Variants in CTNNA2 observed in about 807,000 individuals in gnomAD.
The protein encoded by CTNNA2 is catenin alpha-2.
CTNNA2 carries 42 observed loss-of-function variants against 101.0 expected under a neutral mutation model. The ratio of observed to expected loss-of-function variants is 0.42; its 90% CI spans 0.32 to 0.54. CTNNA2 has a LOEUF of 0.54. CTNNA2 is among the 20% of genes least tolerant of loss of function. The probability of loss-of-function intolerance (pLI) is 0.14; values close to 1 mark genes in which losing one functional copy is unlikely to be tolerated. For synonymous variants in CTNNA2, 450 were observed against 456.4 expected, an observed-to-expected ratio of 0.99 and a Z score of 0.18; for missense variants, 871 against 1,223.1, an observed-to-expected ratio of 0.71 and a Z score of 4.29.
Position 79,584,680 on chromosome 2 carries a change from C to T in CTNNA2, c.-5-66872C>T, listed in dbSNP as rs149080089. On this transcript the variant is annotated intron_variant, in intron 1 of 18. Coordinates refer to ENST00000402739, the MANE Select transcript of CTNNA2 (RefSeq NM_001282597.3). ...GAGTACAGGCACACACCACCACGTC[C>T]GGCTAATTTTTATATTTTTAGTAGA... 6.3e-3 allele frequency among the ~76,000 whole-genome samples: 958 copies of T among 152,018 alleles called. 47 individuals are homozygous for T. In the East Asian group the frequency reaches 0.1, roughly 16 times the overall value.
intron 4 of CTNNA2, among the ~76,000 whole-genome samples, chr2:79,387,823 A>G (rs1484456700): frequency 6.6e-6 from 1 of 152,222 alleles, no homozygotes; most frequent in African/African-American, 2.4e-5. Flanking sequence ...AAAGAGCTGG[A>G]CTGGTAAAAT....
At chr2:80,525,640 C>T (rs1011320811) in intron 9 of CTNNA2, among the ~76,000 whole-genome samples, 8 of 152,154 alleles carry the variant, frequency 5.3e-5, no homozygotes, top group African/African-American at 1.7e-4. Flanking sequence ...TCTCTCCTAT[C>T]GTAGCCTGTC....
intron 9 of CTNNA2, among the ~76,000 whole-genome samples, chr2:80,473,047 A>G (rs1300353042): frequency 2.0e-5 from 3 of 152,230 alleles, no homozygotes. Flanking sequence ...ACTTTTGCTT[A>G]CAGTTTAAGA....
chr2:80,028,138 G>T (rs917496937), intron 7 of CTNNA2: 3 of 152,184 alleles, frequency 2.0e-5, no homozygotes, highest in Non-Finnish European at 4.4e-5. Context: ...CAAATTGGTT[G>T]CTGAAAGGAT....
intron 1 of CTNNA2, among the ~76,000 whole-genome samples, chr2:79,590,329 T>C (rs1676763628): frequency 1.3e-5 from 2 of 152,236 alleles, no homozygotes; most frequent in Admixed American, 1.3e-4. Flanking sequence ...GAAACAATTG[T>C]TATATTTTCA....
At chr2:80,605,892 A>G (rs2149779327) in intron 16 of CTNNA2, among the ~76,000 whole-genome samples, 1 of 152,024 alleles carries the variant, frequency 6.6e-6, no homozygotes, top group African/African-American at 2.4e-5. Context: ...GTTGAGTGTT[A>G]ACCCATTGCT....
intron 7 of CTNNA2, among the ~76,000 whole-genome samples, chr2:80,106,462 T>A (rs1476341347): frequency 6.6e-6 from 1 of 152,132 alleles, no homozygotes; most frequent in Non-Finnish European, 1.5e-5. Context: ...AAATTAGCCT[T>A]TCTGAATTTT....
chr2:79,477,910 G>C (rs181790060), intron 4 of CTNNA2, among the ~76,000 whole-genome samples: 1 of 152,282 alleles, frequency 6.6e-6, no homozygotes, highest in Non-Finnish European at 1.5e-5. Context: ...TTTTGCCCCA[G>C]CAATGAAAAG....
At chr2:79,311,331 C>T (rs918014318) in intron 2 of CTNNA2, among the ~76,000 whole-genome samples, 1 of 148,406 alleles carries the variant, frequency 6.7e-6, no homozygotes, top group Non-Finnish European at 1.5e-5. Flanking sequence ...ATGGCGTGAA[C>T]CCGGGAAGCG....
chr2:80,337,171 T>C (rs992138519), intron 7 of CTNNA2, among the ~76,000 whole-genome samples: 1 of 152,040 alleles, frequency 6.6e-6, no homozygotes, highest in Non-Finnish European at 1.5e-5. Flanking sequence ...CTGGTTGACA[T>C]GGTGAAACCC....
At chr2:80,364,275 T>C (rs1674693176) in intron 7 of CTNNA2, among the ~76,000 whole-genome samples, 1 of 152,144 alleles carries the variant, frequency 6.6e-6, no homozygotes, top group South Asian at 2.1e-4. Flanking sequence ...AATAAACTTT[T>C]GAAGGCGTGT....
chr2:80,202,514 T>C (rs1707270001), intron 7 of CTNNA2, among the ~76,000 whole-genome samples: 1 of 152,196 alleles, frequency 6.6e-6, no homozygotes, highest in Non-Finnish European at 1.5e-5. Flanking sequence ...GAATCCAGAA[T>C]TCATTTGCAT....
chr2:80,348,145 G>C (rs926833988), intron 7 of CTNNA2, among the ~76,000 whole-genome samples: 10 of 152,028 alleles, frequency 6.6e-5, no homozygotes, highest in Admixed American at 2.6e-4. Context: ...TTTGTGACCT[G>C]GCATTCTACC....
intron 7 of CTNNA2, among the ~76,000 whole-genome samples, chr2:80,095,999 T>A (rs568257937): frequency 6.6e-6 from 1 of 152,114 alleles, no homozygotes; most frequent in East Asian, 1.9e-4. Context: ...GTGTCTCTAT[T>A]TCCTTCAGTT....
chr2:79,508,455 T>C (rs1012517308), upstream of CTNNA2, among the ~76,000 whole-genome samples: 5 of 152,120 alleles, frequency 3.3e-5, no homozygotes, highest in East Asian at 1.9e-4. Context: ...GTAAATCTAT[T>C]AGGGAACCTG....
At chr2:80,371,097 G>T (rs1424726288) in intron 7 of CTNNA2, among the ~76,000 whole-genome samples, 1 of 152,140 alleles carries the variant, frequency 6.6e-6, no homozygotes, top group East Asian at 1.9e-4. Context: ...TCAGGGTTAG[G>T]AAGGGTACTT....
chr2:79,539,088 ACTAG>A (rs1006793834), intron 1 of CTNNA2, among the ~76,000 whole-genome samples: 1 of 152,216 alleles, frequency 6.6e-6, no homozygotes, highest in Non-Finnish European at 1.5e-5. Context: ...TTAAGAAAAG[ACTAG>A]CTAGGCAGGC....
At chr2:79,219,622 T>C (rs906907705) in intron 2 of CTNNA2, among the ~76,000 whole-genome samples, 3 of 152,118 alleles carry the variant, frequency 2.0e-5, no homozygotes, top group Non-Finnish European at 4.4e-5. Flanking sequence ...GAAACCAAAG[T>C]GCATTTACAC....
chr2:79,915,632 G>C (rs955077854), intron 7 of CTNNA2, among the ~76,000 whole-genome samples: 1 of 152,192 alleles, frequency 6.6e-6, no homozygotes, highest in Non-Finnish European at 1.5e-5. Flanking sequence ...AAATGAGAAC[G>C]AAGTGAGGAC....
Sources: gnomAD v4.1 joint callset for allele counts (sites outside exome capture counted in the v4.1 genomes callset) on GRCh38, gnomAD v4.1.1 for gene constraint, MANE v1.5 for transcripts, NCBI Gene and HGNC (gene_info 2026-07-23, HGNC 2026-07-21) for gene names.